Variants in IL13RA1 observed in about 807,000 individuals in gnomAD.
The protein encoded by IL13RA1 is interleukin-13 receptor subunit alpha-1.
IL13RA1 carries 14 observed loss-of-function variants against 33.8 expected under a neutral mutation model. The ratio of observed to expected loss-of-function variants is 0.41; its 90% CI spans 0.27 to 0.65. The LOEUF (loss-of-function observed/expected upper bound fraction) is 0.65, where lower values mean the gene tolerates loss of function less well. Among genes scored for constraint, IL13RA1 ranks in the 30% least tolerant of loss-of-function variants. The probability of loss-of-function intolerance (pLI) is 0.28; values close to 1 mark genes in which losing one functional copy is unlikely to be tolerated. For missense variants in IL13RA1, 313 were observed against 327.0 expected (o/e 0.96, Z 0.33); for synonymous variants, 116 against 115.7 (o/e 1.00, Z -0.02).
the IL13RA1 span, among the ~76,000 whole-genome samples, chrX:118,800,317 A>C: frequency 9.1e-6 from 1 of 110,273 alleles, no homozygotes; most frequent in Non-Finnish European, 1.9e-5. Flanking sequence ...ATATCTTGCT[A>C]CTGCTCACTC....
chrX:118,745,950 C>T (rs2017399647), intron 2 of IL13RA1, among the ~76,000 whole-genome samples: 1 of 111,794 alleles, frequency 8.9e-6, no homozygotes, highest in African/African-American at 3.2e-5. Flanking sequence ...TTCCACAAAG[C>T]TTATCTACTT....
rs1370775030 is a variant in IL13RA1, at chrX:118,758,158, GAAC to G, written c.597_599del (p.Gln199del). ...GACCAAAGTGAAGGATTCCAGTTTTGAACAACACAGTGTCCAAATAATGGTCAA... is the reference window on the plus strand; with the variant it reads ...GACCAAAGTGAAGGATTCCAGTTTTGAACACAGTGTCCAAATAATGGTCAA... On this transcript the variant is annotated inframe_deletion, in exon 5 of 11. Coordinates refer to ENST00000371666, the MANE Select transcript of IL13RA1 (RefSeq NM_001560.3). The G allele has an allele frequency of 4.4e-6, 5 of 1,138,824 alleles. No homozygotes were observed. Among genetic ancestry groups the G allele is most frequent in the Non-Finnish European group, 6.0e-6 (5 of 832,288 alleles). 93.9% of individuals were successfully genotyped at this position (1,138,824 alleles called of 1,213,427 possible).
chrX:118,782,522 G>T (rs2017855867), intron 10 of IL13RA1, among the ~76,000 whole-genome samples: 1 of 111,590 alleles, frequency 9.0e-6, no homozygotes, highest in South Asian at 3.7e-4. Context: ...TTAAGGTGAG[G>T]AGTTGGATTA....
At chrX:118,728,466 C>A (rs1040816969) in intron 1 of IL13RA1, among the ~76,000 whole-genome samples, 5 of 111,440 alleles carry the variant, frequency 4.5e-5, no homozygotes, top group Non-Finnish European at 9.4e-5. Flanking sequence ...TGTGTATATC[C>A]CTCACCCTGT....
chrX:118,742,428 C>T (rs998089157), intron 2 of IL13RA1, among the ~76,000 whole-genome samples: 1 of 111,758 alleles, frequency 8.9e-6, no homozygotes, highest in Non-Finnish European at 1.9e-5. Context: ...ACAGAAAGAC[C>T]CTAAGTGCCT....
At chrX:118,743,727 G>C (rs768071968) in intron 2 of IL13RA1, among the ~76,000 whole-genome samples, 1 of 111,801 alleles carries the variant, frequency 8.9e-6, no homozygotes, top group Admixed American at 9.5e-5. Flanking sequence ...CTTGGTTTTT[G>C]ATAAATTTTC....
intron 1 of IL13RA1, among the ~76,000 whole-genome samples, chrX:118,730,653 A>G (rs1289453518): frequency 9.0e-6 from 1 of 111,585 alleles, no homozygotes; most frequent in Non-Finnish European, 1.9e-5. Flanking sequence ...GCATGGGAAA[A>G]ATAACACAGA....
intron 3 of IL13RA1, among the ~76,000 whole-genome samples, chrX:118,748,005 T>TGTGTG (rs1556362835): frequency 1.0e-4 from 9 of 88,856 alleles, no homozygotes; most frequent in Non-Finnish European, 1.3e-4. Context: ...AGAGTGAATG[T>TGTGTG]TGTGTGTGTG....
At chrX:118,784,090 A>AAAAAAAT (rs1556372973) in intron 10 of IL13RA1, among the ~76,000 whole-genome samples, 1 of 63,959 alleles carries the variant, frequency 1.6e-5, no homozygotes, top group African/African-American at 7.4e-5. Context: ...AAAAAAAAAA[A>AAAAAAAT]ATATATATAT....
At chrX:118,749,845 C>T in intron 4 of IL13RA1, 67 bp downstream of exon 4, 1 of 731,384 alleles carries the variant, frequency 1.4e-6, no homozygotes. Flanking sequence ...TGGATCCAAC[C>T]TAGTCAAAAA....
At chrX:118,759,017 T>C (rs2017563650) in intron 5 of IL13RA1, 1 of 112,118 alleles carries the variant, frequency 8.9e-6, no homozygotes, top group South Asian at 3.7e-4. Context: ...AATGATCATA[T>C]GTAGTTCCTA....
chrX:118,777,820 A>G (rs1207304713), intron 10 of IL13RA1, among the ~76,000 whole-genome samples: 1 of 111,895 alleles, frequency 8.9e-6, no homozygotes, highest in African/African-American at 3.2e-5. Context: ...AATAATAAAG[A>G]CACTAAATGA....
At chrX:118,740,902 T>A in intron 1 of IL13RA1, 115 bp from the exon 2 acceptor site, 2 of 573,015 alleles carry the variant, frequency 3.5e-6, no homozygotes, top group Non-Finnish European at 6.0e-6. Context: ...CCAGTAAATG[T>A]TAGATGTTGT....
chrX:118,750,006 G>A (rs2017452877), intron 4 of IL13RA1, among the ~76,000 whole-genome samples: 1 of 111,749 alleles, frequency 8.9e-6, no homozygotes, highest in Non-Finnish European at 1.9e-5. Context: ...TGTACAGAGA[G>A]ATCCCATATA....
At chrX:118,768,827 C>T (rs926805286) in intron 8 of IL13RA1, among the ~76,000 whole-genome samples, 2 of 112,010 alleles carry the variant, frequency 1.8e-5, no homozygotes, top group Admixed American at 1.9e-4. Flanking sequence ...TTCTCTAGAG[C>T]CCTCAGAGGG....
rs764081916 is a variant in IL13RA1 at position 118,792,212 on chromosome X, A to G, written c.*358A>G. ...CTTTGTGTCAACATGAACAAATTTT[A>G]TTTGTAGGGGAACTCATTTGGGGTG... is the stretch of plus-strand genomic sequence containing the variant. On this transcript the variant is annotated 3_prime_UTR_variant, in exon 11 of 11. Transcript: ENST00000371666. 31 of 120,690 alleles carry G rather than the reference A, an allele frequency of 2.6e-4. 1 individual carries two copies. Among genetic ancestry groups the G allele is most frequent in the Admixed American group, 3.7e-4 (4 of 10,855 alleles). The allele number at this position is 120,690 out of a possible 1,213,427, so 9.9% of individuals were successfully genotyped here. A position where few individuals can be genotyped will look rare whatever the true frequency, so the allele number is the denominator to read the frequency against.
At position 118,792,916 on chromosome X, in the gene IL13RA1, A is replaced by G. The variant is rs2017993184; in HGVS notation, c.*1062A>G. ...TGTATTTTCTTCACCTCTGCTACTC[A>G]AGTAGCATTTACTGTGTCTTTGGTT... is the stretch of plus-strand genomic sequence containing the variant. On this transcript the variant is annotated 3_prime_UTR_variant, in exon 11 of 11. Transcript: ENST00000371666. 8.9e-6 allele frequency: 1 copy of G among 111,736 alleles called. No homozygotes were observed. The highest frequency in any genetic ancestry group is 1.9e-5 in the Non-Finnish European group (1 of 53,126). 9.2% of individuals were successfully genotyped at this position (111,736 alleles called of 1,213,427 possible).
chrX:118,777,724 T>A (rs991675776), intron 10 of IL13RA1, among the ~76,000 whole-genome samples: 1 of 112,000 alleles, frequency 8.9e-6, no homozygotes, highest in African/African-American at 3.2e-5. Context: ...CATGCTAGAA[T>A]TTGTGGCCAG....
intron 3 of IL13RA1, among the ~76,000 whole-genome samples, chrX:118,749,281 A>G (rs2017444481): frequency 8.9e-6 from 1 of 112,406 alleles, no homozygotes; most frequent in African/African-American, 3.2e-5. Context: ...TTGTACCTCA[A>G]TAATTTTTTA....
Sources: allele counts gnomAD v4.1 joint callset (sites outside exome capture counted in the v4.1 genomes callset), GRCh38; gene constraint gnomAD v4.1.1; transcripts MANE v1.5; gene names NCBI Gene and HGNC (gene_info 2026-07-23, HGNC 2026-07-21).